The following TMOD3 variants were observed in gnomAD, a reference collection of about 807,000 sequenced individuals.
TMOD3 encodes the protein tropomodulin 3.
Under a neutral mutation model 39.2 loss-of-function variants are expected in TMOD3, and 20 were observed. The observed-to-expected ratio is 0.51, with a 90% CI of 0.36 to 0.74. The LOEUF (loss-of-function observed/expected upper bound fraction) is 0.74, where lower values mean the gene tolerates loss of function less well. Among genes scored for constraint, TMOD3 ranks in the 30% least tolerant of loss-of-function variants. TMOD3 has a pLI of 0.00. For missense variants in TMOD3, 381 were observed against 412.8 expected, an observed-to-expected ratio of 0.92 and a Z score of 0.67; for synonymous variants, 143 against 145.8, an observed-to-expected ratio of 0.98 and a Z score of 0.14.
At chr15:51,859,075 A>G in intron 1 of TMOD3, 1 of 484,908 alleles carries the variant, frequency 2.1e-6, no homozygotes, top group South Asian at 2.6e-5. Flanking sequence ...GAAATCAGAC[A>G]GCCATCTTGT....
intron 1 of TMOD3, among the ~76,000 whole-genome samples, chr15:51,846,886 A>C (rs527245963): frequency 1.2e-4 from 19 of 152,342 alleles, no homozygotes; most frequent in Admixed American, 1.0e-3. Flanking sequence ...AAACCAAAAA[A>C]TTAAAAACTG....
chr15:51,867,223 G>A (rs1340849356), intron 2 of TMOD3, among the ~76,000 whole-genome samples: 1 of 152,170 alleles, frequency 6.6e-6, no homozygotes, highest in Non-Finnish European at 1.5e-5. Flanking sequence ...GTCTCAGCAA[G>A]CTTAGATCAT....
intron 3 of TMOD3, among the ~76,000 whole-genome samples, chr15:51,879,187 A>G (rs889684739): frequency 6.6e-6 from 1 of 152,176 alleles, no homozygotes; most frequent in Non-Finnish European, 1.5e-5. Flanking sequence ...AATTACTGTT[A>G]TATGAATTCT....
intron 3 of TMOD3, among the ~76,000 whole-genome samples, chr15:51,881,083 G>A (rs2056530859): frequency 6.6e-6 from 1 of 152,100 alleles, no homozygotes; most frequent in South Asian, 2.1e-4. Context: ...ATTTTTTCAT[G>A]TATTGTTAGA....
intron 1 of TMOD3, among the ~76,000 whole-genome samples, chr15:51,834,304 A>G (rs995245471): frequency 1.2e-4 from 19 of 152,098 alleles, no homozygotes; most frequent in African/African-American, 4.3e-4. Flanking sequence ...TGTTTTATCA[A>G]TTTTTTGTAT....
At position 51,908,933 on chromosome 15, in the gene TMOD3, ATT is replaced by A; in HGVS notation, c.*132_*133del. 1.4e-5 allele frequency: 7 copies of A among 506,682 alleles called. No individual in the cohort carries two copies. Among genetic ancestry groups the A allele is most frequent in the Non-Finnish European group, 1.7e-5 (5 of 297,646 alleles). The allele number at this position is 506,682 out of a possible 1,614,324, so 31.4% of individuals were successfully genotyped here. ...TGGAAAAATTTTTTTAGTGACATGC[ATT>A]TTTTTTTTAGTTGTTATCAAATTGT... On this transcript the variant is annotated 3_prime_UTR_variant, in exon 10 of 10. Transcript: ENST00000308580.
chr15:51,834,713 C>T (rs997430461), intron 1 of TMOD3, among the ~76,000 whole-genome samples: 1 of 152,084 alleles, frequency 6.6e-6, no homozygotes, highest in Non-Finnish European at 1.5e-5. Context: ...CACCTATAAT[C>T]CCAGCTACTT....
intron 3 of TMOD3, among the ~76,000 whole-genome samples, chr15:51,881,550 CTTTTTT>C (rs753814979): frequency 2.3e-4 from 14 of 61,840 alleles, no homozygotes; most frequent in East Asian, 6.3e-4. Flanking sequence ...TTCTTTATTT[CTTTTTT>C]TTTTTTTTTT....
chr15:51,877,156 A>G (rs1000118425), intron 3 of TMOD3, among the ~76,000 whole-genome samples: 7 of 152,138 alleles, frequency 4.6e-5, no homozygotes, highest in African/African-American at 1.7e-4. Context: ...TTACTTGCCA[A>G]TTTTATCATC....
At chr15:51,850,941 G>T (rs2056358576) in intron 1 of TMOD3, among the ~76,000 whole-genome samples, 1 of 152,134 alleles carries the variant, frequency 6.6e-6, no homozygotes, top group Admixed American at 6.5e-5. Flanking sequence ...CACCATGTTG[G>T]TGAAGCTGGT....
chr15:51,893,196 G>A lies in TMOD3; in HGVS notation c.497-619G>A, dbSNP rs1004137169. On this transcript the variant is annotated intron_variant, in intron 5 of 9. Transcript: ENST00000308580. ...TGTATTCCCAGCTACTTGGGAGGCTGAGGCAGGAGAGTTGCTTGAACGTGG... is the reference window on the plus strand; with the variant it reads ...TGTATTCCCAGCTACTTGGGAGGCTAAGGCAGGAGAGTTGCTTGAACGTGG... 2.7e-5 allele frequency among the ~76,000 whole-genome samples: 4 copies of A among 149,302 alleles called. No homozygotes were observed. The East Asian group carries it at 5.9e-4, about 22-fold the overall frequency.
chr15:51,892,597 CTT>C (rs1306409116), intron 5 of TMOD3: 4 of 152,238 alleles, frequency 2.6e-5, no homozygotes, highest in Non-Finnish European at 5.9e-5. Flanking sequence ...TTCCTACCCT[CTT>C]TCCTATTCCT....
intron 1 of TMOD3, among the ~76,000 whole-genome samples, chr15:51,839,203 A>AACAGC (rs2056301750): frequency 2.0e-5 from 2 of 101,324 alleles, no homozygotes; most frequent in South Asian, 5.9e-4. Flanking sequence ...ACTGGGTCTC[A>AACAGC]CTCTGTTGCC....
intron 1 of TMOD3, chr15:51,860,482 G>A: frequency 1.8e-6 from 1 of 569,242 alleles, no homozygotes; most frequent in South Asian, 1.4e-5. Flanking sequence ...TGAAAGTGCA[G>A]TGCCCAAAGA....
At chr15:51,833,614 A>T (rs566747247) in intron 1 of TMOD3, among the ~76,000 whole-genome samples, 1 of 152,358 alleles carries the variant, frequency 6.6e-6, no homozygotes, top group Non-Finnish European at 1.5e-5. Context: ...AAATGGAATC[A>T]TACAGCATGT....
intron 1 of TMOD3, among the ~76,000 whole-genome samples, chr15:51,848,368 A>G (rs1420504613): frequency 6.6e-6 from 1 of 152,200 alleles, no homozygotes; most frequent in Non-Finnish European, 1.5e-5. Context: ...CAACAATCCC[A>G]AGAATACATA....
intron 1 of TMOD3, among the ~76,000 whole-genome samples, chr15:51,837,175 AG>A (rs1242736280): frequency 6.6e-6 from 1 of 152,176 alleles, no homozygotes; most frequent in Admixed American, 6.6e-5. Flanking sequence ...CTTATACAGT[AG>A]GGGATTTCCA....
intron 7 of TMOD3, among the ~76,000 whole-genome samples, chr15:51,897,301 C>G (rs1024347222): frequency 1.3e-5 from 2 of 151,950 alleles, no homozygotes; most frequent in Admixed American, 6.6e-5. Context: ...GTATCTCTCT[C>G]CTGAACTCCG....
rs929672387 is a variant in TMOD3 at position 51,909,326 on chromosome 15, A to G, written c.*516A>G. 6.5e-6 allele frequency: 1 copy of G among 153,162 alleles called. No individual in the cohort carries two copies. The highest frequency in any genetic ancestry group is 2.4e-5 in the African/African-American group (1 of 41,448). The allele number at this position is 153,162 out of a possible 1,614,324, so 9.5% of individuals were successfully genotyped here. A position where few individuals can be genotyped will look rare whatever the true frequency, so the allele number is the denominator to read the frequency against. On this transcript the variant is annotated 3_prime_UTR_variant, in exon 10 of 10. Coordinates refer to ENST00000308580, the MANE Select transcript of TMOD3 (RefSeq NM_014547.5). ...AGAATGTTAAAACAGTTAACTCAAA[A>G]TCTAGTCATCTGTGTAGGAGCTAAA... is the stretch of plus-strand genomic sequence containing the variant.
Sources: gnomAD v4.1 joint callset for allele counts (sites outside exome capture counted in the v4.1 genomes callset) on GRCh38, gnomAD v4.1.1 for gene constraint, MANE v1.5 for transcripts, NCBI Gene and HGNC (gene_info 2026-07-23, HGNC 2026-07-21) for gene names.